Variants in MRPL28 observed in about 807,000 individuals in gnomAD.
MRPL28 encodes large ribosomal subunit protein bL28m.
Under a neutral mutation model 26.2 loss-of-function variants are expected in MRPL28, and 25 were observed. That is an observed-to-expected ratio of 0.95 (90% CI 0.69 to 1.33). MRPL28 has a LOEUF of 1.33. MRPL28 is among the 40% of genes most tolerant of loss of function. The pLI, the probability that MRPL28 is intolerant of heterozygous loss-of-function variation, is 0.00. For missense variants in MRPL28, 432 were observed against 327.2 expected (o/e 1.32, Z -2.47); for synonymous variants, 227 against 140.1 (o/e 1.62, Z -4.38).
rs116146323 is a variant in MRPL28, at chr16:367,629, G to A, written c.*46C>T. ...CTGTGTCCTCAGTGCAAAGGGCCTG[G>A]CAGGGAAAGCTGGGCCTGTTGGTCA... On this transcript the variant is annotated 3_prime_UTR_variant, in exon 6 of 6. Coordinates refer to ENST00000199706, the MANE Select transcript of MRPL28 (RefSeq NM_006428.5). 4.0e-3 allele frequency: 6,127 copies of A among 1,540,258 alleles called. 216 individuals carry two copies. In the African/African-American group the frequency reaches 0.074, roughly 19 times the overall value.
rs1039457792 is a variant in MRPL28 at position 367,294 on chromosome 16, C to T, written c.*381G>A. 86 of 601,842 alleles carry T rather than the reference C, an allele frequency of 1.4e-4. No individual in the cohort carries two copies. The highest frequency in any genetic ancestry group is 1.1e-3 in the East Asian group (39 of 35,744). The allele number at this position is 601,842 out of a possible 1,614,324, so 37.3% of individuals were successfully genotyped here. On this transcript the variant is annotated 3_prime_UTR_variant, in exon 6 of 6. Transcript: ENST00000199706. Reference sequence around the variant, plus strand: ...GGGACGGGCACAGCCAGAGTCAATGCCCACGGCTCATCCGAGGTCTCAGGG... The same window carrying T: ...GGGACGGGCACAGCCAGAGTCAATGTCCACGGCTCATCCGAGGTCTCAGGG...
In MRPL28 at chr16:367,351, C is replaced by G. The variant is rs538982014; in HGVS notation, c.*324G>C. The G allele has an allele frequency of 1.7e-5, 11 of 643,632 alleles. No individual in the cohort carries two copies. The African/African-American group carries it at 2.0e-4, about 12-fold the overall frequency. The allele number at this position is 643,632 out of a possible 1,614,324, so 39.9% of individuals were successfully genotyped here. A position where few individuals can be genotyped will look rare whatever the true frequency, so the allele number is the denominator to read the frequency against. On this transcript the variant is annotated 3_prime_UTR_variant, in exon 6 of 6. Coordinates refer to ENST00000199706, the MANE Select transcript of MRPL28 (RefSeq NM_006428.5). ...AGGGCAGGGGTGACAGGATCAGGAT[C>G]CCCAAAGAGAACACCAGTCCTCAAA...
At chr16:370,471 C>A (rs2054318409) in intron 1 of MRPL28, 28 bp downstream of exon 1, 1 of 931,600 alleles carries the variant, frequency 1.1e-6, no homozygotes, top group Non-Finnish European at 1.2e-6. Flanking sequence ...CCCCGGCGCC[C>A]CCCCACACCC....
At position 367,814 on chromosome 16, in the gene MRPL28, G is replaced by C. The variant is rs373438628; in HGVS notation, c.664-32C>G. 1,326 of 1,580,332 alleles carry C rather than the reference G, an allele frequency of 8.4e-4. 29 individuals carry two copies. In the South Asian group the frequency reaches 0.014, roughly 16 times the overall value. ...GAGAGAGGGGCTCATGGTGAGGCCA[G>C]GGAAGCCCAGGGCAGCTGGAGTTCC... On this transcript the variant is annotated intron_variant, in intron 5 of 5. Coordinates refer to ENST00000199706, the MANE Select transcript of MRPL28 (RefSeq NM_006428.5).
intron 2 of MRPL28, 133 bp from the exon 3 acceptor site, chr16:369,353 G>T: frequency 8.2e-7 from 1 of 1,212,576 alleles, no homozygotes; most frequent in Non-Finnish European, 1.1e-6. Context: ...GGGACCTAGA[G>T]CTAACTGGGC....
rs752049182 is a variant in MRPL28 at position 370,266 on chromosome 16, C to CA, written c.-7-42dup. The stretch of plus-strand genomic sequence containing the variant: ...GGCTCGCAGTCAGTCGCAGCCTGGC[C>CA]AGGCCCCCGGCACTCACCCCCTACC... On this transcript the variant is annotated intron_variant, in intron 1 of 5. Coordinates refer to ENST00000199706, the MANE Select transcript of MRPL28 (RefSeq NM_006428.5). 2.7e-6 allele frequency: 4 copies of CA among 1,496,240 alleles called. No individual in the cohort carries two copies. The East Asian group carries it at 9.6e-5, about 36-fold the overall frequency. 92.7% of individuals were successfully genotyped at this position (1,496,240 alleles called of 1,614,324 possible).
At position 370,061 on chromosome 16, in the gene MRPL28, T is replaced by C. The variant is rs200536779; in HGVS notation, c.158A>G (p.Asn53Ser). The change falls in exon 2 of 6, where the codon AAC (asparagine) becomes AGC (serine). Residue 53 changes from asparagine (N) to serine (S), a missense_variant. Transcript: ENST00000199706. ...ACGCTCCCGCTGCCCGTTCTTGGGG[T>C]TGATCTTGAACTTGGCCCCATGAGG... ...YRPHGAKFKI[N>S]PKNGQRERVE... is the part of the protein sequence containing the mutation. 6.2e-6 allele frequency: 10 copies of C among 1,612,728 alleles called. No homozygotes were observed. The highest frequency in any genetic ancestry group is 2.2e-5 in the South Asian group (2 of 91,030).
intron 2 of MRPL28, chr16:369,426 C>G (rs1055858739): frequency 7.7e-6 from 5 of 645,212 alleles, no homozygotes; most frequent in Non-Finnish European, 8.1e-6. Flanking sequence ...CAGAAGTCAG[C>G]TGCTCCCCAA....
chr16:367,327 G>A lies in MRPL28; in HGVS notation c.*348C>T, dbSNP rs774765136. The A allele has an allele frequency of 5.4e-5, 34 of 625,552 alleles. No homozygotes were observed. Among genetic ancestry groups the A allele is most frequent in the Non-Finnish European group, 7.8e-5 (26 of 335,194 alleles). 38.8% of individuals were successfully genotyped at this position (625,552 alleles called of 1,614,324 possible). On this transcript the variant is annotated 3_prime_UTR_variant, in exon 6 of 6. Coordinates refer to ENST00000199706, the MANE Select transcript of MRPL28 (RefSeq NM_006428.5). Reference sequence around the variant, plus strand: ...TCATCCGAGGTCTCAGGGGCAGCAAGGGCAGGGGTGACAGGATCAGGATCC... The same window carrying A: ...TCATCCGAGGTCTCAGGGGCAGCAAAGGCAGGGGTGACAGGATCAGGATCC...
chr16:367,712 T>C lies in MRPL28; in HGVS notation c.734A>G (p.Glu245Gly), dbSNP rs1318866195. ...GGCTCTCTTCTGCACCACCGCCGGC[T>C]CTGACAGTGCCTGCTGCTGCAGCTG... The part of the protein sequence containing the change: ...IQQLQQQALS[E>G]PAVVQKRASG... The change falls in exon 6 of 6, where the codon GAG (glutamate) becomes GGG (glycine). Residue 245 changes from glutamate (E) to glycine (G), a missense_variant. By Grantham distance (98) the Glu-to-Gly change is moderately conservative. Coordinates refer to ENST00000199706, the MANE Select transcript of MRPL28 (RefSeq NM_006428.5). 6.2e-7 allele frequency: 1 copy of C among 1,613,880 alleles called. No homozygotes were observed. The highest frequency in any genetic ancestry group is 1.1e-5 in the South Asian group (1 of 91,090).
chr16:367,868 C>A, intron 5 of MRPL28, 86 bp from the exon 6 acceptor site: 1 of 1,175,600 alleles, frequency 8.5e-7, no homozygotes, highest in Non-Finnish European at 1.2e-6. Flanking sequence ...AGCTGCCGCC[C>A]AGAGGAACCG....
chr16:369,187 G>A lies in MRPL28; in HGVS notation c.322C>T (p.Gln108Ter), dbSNP rs2054292000. 1.2e-6 allele frequency: 2 copies of A among 1,613,914 alleles called. No individual in the cohort carries two copies. The highest frequency in any genetic ancestry group is 1.3e-5 in the African/African-American group (1 of 74,926). ...CTGTAGAACTCTCGCTCAAACAGCT[G>A]TGGCTTCCACACTTTCTTCAGCCTC... is the stretch of plus-strand genomic sequence containing the variant. ...SKRLKKVWKP[Q>*]LFEREFYSEI... The change falls in exon 3 of 6, where the codon CAG becomes TAG. Residue 108 changes from glutamine to a stop codon, truncating the protein, a stop_gained. Coordinates refer to ENST00000199706, the MANE Select transcript of MRPL28 (RefSeq NM_006428.5). LOFTEE classifies it high-confidence loss of function.
At chr16:369,638 C>T in intron 2 of MRPL28, 2 of 719,566 alleles carry the variant, frequency 2.8e-6, no homozygotes, top group Non-Finnish European at 5.2e-6. Flanking sequence ...CTCGCCTCTC[C>T]CACCTGCTCT....
At position 370,095 on chromosome 16, in the gene MRPL28, G is replaced by C; in HGVS notation, c.124C>G (p.His42Asp). 1.2e-6 allele frequency: 2 copies of C among 1,611,388 alleles called. No individual in the cohort carries two copies. Among genetic ancestry groups the C allele is most frequent in the Non-Finnish European group, 8.5e-7 (1 of 1,179,252 alleles). ...LEEERTPTPV[H>D]YRPHGAKFKI... Reference sequence around the variant, plus strand: ...AACTTGGCCCCATGAGGCCTATAGTGCACGGGAGTGGGCGTCCGCTCCTCC... The same window carrying C: ...AACTTGGCCCCATGAGGCCTATAGTCCACGGGAGTGGGCGTCCGCTCCTCC... The change falls in exon 2 of 6, where the codon CAC (histidine) becomes GAC (aspartate). Residue 42 changes from histidine to aspartate, a missense_variant. Transcript: ENST00000199706.
intron 3 of MRPL28, 37 bp from the exon 4 acceptor site, chr16:368,672 C>A (rs1268810793): frequency 1.3e-6 from 2 of 1,522,012 alleles, no homozygotes; most frequent in African/African-American, 2.8e-5. Flanking sequence ...GTGCTGGTGG[C>A]AGGGCCCCAC....
At position 367,400 on chromosome 16, in the gene MRPL28, G is replaced by C. The variant is rs1322394244; in HGVS notation, c.*275C>G. The C allele has an allele frequency of 8.5e-6, 6 of 706,478 alleles. No homozygotes were observed. In the South Asian group the frequency reaches 9.0e-5, roughly 11 times the overall value. The allele number at this position is 706,478 out of a possible 1,614,324, so 43.8% of individuals were successfully genotyped here. A position where few individuals can be genotyped will look rare whatever the true frequency, so the allele number is the denominator to read the frequency against. On this transcript the variant is annotated 3_prime_UTR_variant, in exon 6 of 6. Coordinates refer to ENST00000199706, the MANE Select transcript of MRPL28 (RefSeq NM_006428.5). ...AAGCAAAGATACACACACACAGCCTGGCCCAGACTTTACTCGCTCCCGGCC... is the reference window on the plus strand; with the variant it reads ...AAGCAAAGATACACACACACAGCCTCGCCCAGACTTTACTCGCTCCCGGCC...
At position 367,593 on chromosome 16, in the gene MRPL28, C is replaced by G. The variant is rs1195245520; in HGVS notation, c.*82G>C. 2 of 1,285,890 alleles carry G rather than the reference C, an allele frequency of 1.6e-6. No individual in the cohort carries two copies. The highest frequency in any genetic ancestry group is 2.2e-6 in the Non-Finnish European group (2 of 897,184). 79.7% of individuals were successfully genotyped at this position (1,285,890 alleles called of 1,614,324 possible). On this transcript the variant is annotated 3_prime_UTR_variant, in exon 6 of 6. Coordinates refer to ENST00000199706, the MANE Select transcript of MRPL28 (RefSeq NM_006428.5). The stretch of plus-strand genomic sequence containing the variant: ...CACTGCCCACCGGTGGCCCTCACAG[C>G]TCCCCGGGATCTGTGTCCTCAGTGC...
chr16:368,348 G>C lies in MRPL28; in HGVS notation c.643C>G (p.Gln215Glu), dbSNP rs150828940. Residue 215 changes from glutamine to glutamate, a missense_variant, in exon 5 of 6, where the codon CAG becomes GAG. Transcript: ENST00000199706. ...GLTLEEAIEK[Q>E]RLLEEKDPVP... is the part of the protein sequence containing the mutation. ...CTCACCTTCTCCTCCAAAAGTCTCT[G>C]CTTCTCAATGGCCTCCTCCAGCGTG... The C allele has an allele frequency of 3.1e-6, 5 of 1,613,570 alleles. No homozygotes were observed.
intron 2 of MRPL28, 86 bp from the exon 3 acceptor site, chr16:369,306 C>T (rs2054294362): frequency 1.3e-6 from 2 of 1,510,524 alleles, no homozygotes; most frequent in Non-Finnish European, 1.8e-6. Flanking sequence ...CACCTCCCCC[C>T]CGGAGGCTCC....
Sources: allele counts gnomAD v4.1 joint callset, GRCh38; gene constraint gnomAD v4.1.1; transcripts MANE v1.5; gene names NCBI Gene and HGNC (gene_info 2026-07-23, HGNC 2026-07-21).